The following STRIP1 variants were observed in gnomAD, a reference collection of about 807,000 sequenced individuals.
STRIP1 encodes the protein striatin-interacting protein 1.
Under a neutral mutation model 106.2 loss-of-function variants are expected in STRIP1, and 63 were observed. The ratio of observed to expected loss-of-function variants is 0.59; its 90% CI spans 0.48 to 0.73. The LOEUF (loss-of-function observed/expected upper bound fraction) is 0.73. Among genes scored for constraint, STRIP1 ranks in the 30% least tolerant of loss-of-function variants. The pLI, the probability that STRIP1 is intolerant of heterozygous loss-of-function variation, is 0.00. For missense variants in STRIP1, 857 were observed against 1,074.8 expected, an observed-to-expected ratio of 0.80 and a Z score of 2.83; for synonymous variants, 390 against 413.0, an observed-to-expected ratio of 0.94 and a Z score of 0.67.
At chr1:110,053,508 C>T (rs1372665930) in intron 20 of STRIP1, among the ~76,000 whole-genome samples, 157 bp from the exon 21 acceptor site, 1 of 152,164 alleles carries the variant, frequency 6.6e-6, no homozygotes, top group Admixed American at 6.5e-5. Flanking sequence ...GTACTTGACT[C>T]TCCTTTGGAT....
Position 110,044,903 on chromosome 1 carries a change from C to G in STRIP1, c.1350C>G (p.Gly450=), listed in dbSNP as rs1652943825. ...SRSKFIGYTL[G]SDTNTVVGLP... ...GCAAATTTATAGGTTACACTCTAGG[C>G]AGGTGAGTAAAAGCCGAGTTCATTT... Residue 450 remains glycine (G), a splice_region_variant and synonymous_variant, in exon 11 of 21, where the codon GGC becomes GGG. Transcript: ENST00000369795. 1.2e-6 allele frequency: 2 copies of G among 1,614,188 alleles called. No homozygotes were observed. Among genetic ancestry groups the G allele is most frequent in the African/African-American group, 1.3e-5 (1 of 75,044 alleles).
At position 110,037,920 on chromosome 1, in the gene STRIP1, T is replaced by C; in HGVS notation, c.210T>C (p.Phe70=). Residue 70 remains phenylalanine, a synonymous_variant, in exon 2 of 21, where the codon TTT becomes TTC. Coordinates refer to ENST00000369795, the MANE Select transcript of STRIP1 (RefSeq NM_033088.4). The stretch of plus-strand genomic sequence containing the variant: ...ATTCGGAGTCACCAGACCTGGAGTT[T>C]GAGTATGCTGACACAGACAAGTGGG... ...EGYSESPDLE[F]EYADTDKWAA... 1.2e-6 allele frequency: 2 copies of C among 1,612,794 alleles called. No individual in the cohort carries two copies.
intron 2 of STRIP1, 152 bp downstream of exon 2, chr1:110,038,112 A>ATATATATATG (rs1553193270): frequency 6.3e-6 from 1 of 157,782 alleles, no homozygotes; most frequent in African/African-American, 2.8e-5. Flanking sequence ...ATATATATAT[A>ATATATATATG]TGTATAAAAC....
chr1:110,053,675 C>T lies in STRIP1; in HGVS notation c.2277C>T (p.Ala759=), dbSNP rs1034608397. 6.2e-7 allele frequency: 1 copy of T among 1,613,858 alleles called. No homozygotes were observed. The highest frequency in any genetic ancestry group is 1.3e-5 in the African/African-American group (1 of 74,892). The change falls in exon 21 of 21, where the codon GCC becomes GCT. Residue 759 remains alanine (A), a synonymous_variant. Transcript: ENST00000369795. The stretch of plus-strand genomic sequence containing the variant: ...CCTGCTTTGTCTCAGATCTTGATGC[C>T]CGGCCTTGGGACTTCCAGGCAGAGG... ...DDWAYGNDLD[A]RPWDFQAEEC...
At chr1:110,050,888 G>A in intron 18 of STRIP1, 68 bp from the exon 19 acceptor site, 2 of 907,456 alleles carry the variant, frequency 2.2e-6, no homozygotes, top group Non-Finnish European at 1.9e-6. Context: ...TCATGTGTGA[G>A]GGACTTTTGG....
chr1:110,046,974 C>T (rs113820405), intron 13 of STRIP1, among the ~76,000 whole-genome samples: 151 of 152,082 alleles, frequency 9.9e-4, no homozygotes, highest in African/African-American at 3.4e-3. Flanking sequence ...GACGTGAACC[C>T]GGGAGGCGGA....
At chr1:110,040,952 T>G (rs920582146) in intron 6 of STRIP1, among the ~76,000 whole-genome samples, 2 of 152,200 alleles carry the variant, frequency 1.3e-5, no homozygotes, top group Non-Finnish European at 2.9e-5. Flanking sequence ...AAGTGTGGCC[T>G]CCTACTCACA....
chr1:110,054,195 A>C lies in STRIP1; in HGVS notation c.*283A>C. The C allele has an allele frequency of 2.5e-6, 1 of 399,472 alleles. No individual in the cohort carries two copies. Among genetic ancestry groups the C allele is most frequent in the Non-Finnish European group, 4.6e-6 (1 of 215,838 alleles). 24.7% of individuals were successfully genotyped at this position (399,472 alleles called of 1,614,324 possible). A position where few individuals can be genotyped will look rare whatever the true frequency, so the allele number is the denominator to read the frequency against. ...GTTGGTTTTGGCTCATTTCACAATC[A>C]GCCCAAGGCTGGGAAAGCTGGAATG... On this transcript the variant is annotated 3_prime_UTR_variant, in exon 21 of 21. Coordinates refer to ENST00000369795, the MANE Select transcript of STRIP1 (RefSeq NM_033088.4).
At position 110,043,770 on chromosome 1, in the gene STRIP1, G is replaced by A. The variant is rs1262898970; in HGVS notation, c.1200G>A (p.Arg400=). Residue 400 remains arginine (R), a synonymous_variant, in exon 10 of 21, where the codon CGG becomes CGA. Coordinates refer to ENST00000369795, the MANE Select transcript of STRIP1 (RefSeq NM_033088.4). ...SLEGETFPLE[R]DEVMPPPLQH... The stretch of plus-strand genomic sequence containing the variant: ...AGGGGGAGACGTTTCCCCTGGAACG[G>A]GATGAAGTGATGCCTCCCCCGCTAC... 6.2e-7 allele frequency: 1 copy of A among 1,614,202 alleles called. No individual in the cohort carries two copies.
chr1:110,038,089 T>TATATATATATATATATATGTATAA (rs1652557666), intron 2 of STRIP1, 129 bp downstream of exon 2: 1 of 161,138 alleles, frequency 6.2e-6, no homozygotes, highest in Non-Finnish European at 1.2e-5. Context: ...TATATATATA[T>TATATATATATATATATATGTATAA]ATATATATAT....
At chr1:110,039,841 C>T (rs1470033185) in intron 5 of STRIP1, 1 of 1,308,548 alleles carries the variant, frequency 7.6e-7, no homozygotes, top group East Asian at 5.2e-5. Context: ...TGTGTTCGCC[C>T]TGCAGTTTCC....
intron 1 of STRIP1, among the ~76,000 whole-genome samples, chr1:110,036,435 CAA>C (rs1188219999): frequency 6.6e-6 from 1 of 151,982 alleles, no homozygotes; most frequent in East Asian, 1.9e-4. Context: ...GCCTGGGTGA[CAA>C]GAGCGAAACT....
At chr1:110,038,071 AATATAT>A (rs3085770) in intron 2 of STRIP1, 111 bp downstream of exon 2, 12,188 of 130,074 alleles carry the variant, frequency 0.094, 925 homozygotes, top group East Asian at 0.16. Context: ...AGTTCTATCA[AATATAT>A]ATATATATAT....
intron 2 of STRIP1, among the ~76,000 whole-genome samples, 188 bp from the exon 3 acceptor site, chr1:110,038,494 CT>C (rs1267355180): frequency 6.6e-6 from 1 of 152,192 alleles, no homozygotes; most frequent in Non-Finnish European, 1.5e-5. Flanking sequence ...TTCTGGCACT[CT>C]GGTTGTCTCT....
Position 110,053,837 on chromosome 1 carries a change from T to G in STRIP1, c.2439T>G (p.Phe813Leu). The G allele has an allele frequency of 2.5e-6, 4 of 1,614,192 alleles. No individual in the cohort carries two copies. Among genetic ancestry groups the G allele is most frequent in the Non-Finnish European group, 3.4e-6 (4 of 1,180,024 alleles). The change falls in exon 21 of 21, where the codon TTT becomes TTG. Residue 813 changes from phenylalanine (F) to leucine (L), a missense_variant. By Grantham distance (22) the Phe-to-Leu change is conservative (BLOSUM62 0). Around this residue, in one of 2 missense-constraint regions of STRIP1, gnomAD observed 750 missense variants for 989.8 expected, o/e 0.76. Transcript: ENST00000369795. ...AACGGGTGGACCTCCCTGAGGACTT[T>G]CAGATGAACTATGACCTCTGGTTAG... ...LGQRVDLPED[F>L]QMNYDLWLER...
Position 110,037,942 on chromosome 1 carries a change from T to A in STRIP1, c.232T>A (p.Trp78Arg). The change falls in exon 2 of 21, where the codon TGG becomes AGG. Residue 78 changes from tryptophan (W) to arginine (R), a missense_variant. By Grantham distance (101) the Trp-to-Arg change is moderately radical. Coordinates refer to ENST00000369795, the MANE Select transcript of STRIP1 (RefSeq NM_033088.4). ...LEFEYADTDK[W>R]AAELSELYSY... ...GTTTGAGTATGCTGACACAGACAAG[T>A]GGGCTGCAGAGCTCTCGGGTAACGC... The A allele has an allele frequency of 6.2e-7, 1 of 1,612,606 alleles. No homozygotes were observed. Among genetic ancestry groups the A allele is most frequent in the South Asian group, 1.1e-5 (1 of 91,058 alleles).
At chr1:110,037,986 TGG>T in intron 2 of STRIP1, 26 bp downstream of exon 2, 1 of 1,547,984 alleles carries the variant, frequency 6.5e-7, no homozygotes, top group East Asian at 2.2e-5. Flanking sequence ...TTGTGTTATT[TGG>T]GGGTGGTTTT....
rs146229969 is a variant in STRIP1 at position 110,046,735 on chromosome 1, G to T, written c.1472G>T (p.Arg491Leu). Residue 491 changes from arginine to leucine, a missense_variant, in exon 13 of 21, where the codon CGC (arginine) becomes CTC (leucine). Around this residue, in one of 2 missense-constraint regions of STRIP1, gnomAD observed 750 missense variants for 989.8 expected, o/e 0.76. Transcript: ENST00000369795. ...VQAQMEEEYLRSPLSGGEEEV... is the reference protein window; with the variant it reads ...VQAQMEEEYLLSPLSGGEEEV... Reference sequence around the variant, plus strand: ...GCACAGATGGAGGAGGAATACCTCCGCTCCCCTCTCTCAGGGGTAAGTTGG... The same window carrying T: ...GCACAGATGGAGGAGGAATACCTCCTCTCCCCTCTCTCAGGGGTAAGTTGG... The T allele has an allele frequency of 1.2e-6, 2 of 1,612,352 alleles. No individual in the cohort carries two copies. The highest frequency in any genetic ancestry group is 8.5e-7 in the Non-Finnish European group (1 of 1,178,716).
intron 5 of STRIP1, chr1:110,039,852 G>A (rs769699302): frequency 2.2e-4 from 293 of 1,302,268 alleles, no homozygotes; most frequent in Non-Finnish European, 2.8e-4. Flanking sequence ...TGCAGTTTCC[G>A]CCTTGGCAGG....
Sources: gnomAD v4.1 joint callset for allele counts (sites outside exome capture counted in the v4.1 genomes callset) on GRCh38, gnomAD v4.1.1 for gene constraint, gnomAD v4.1.1 regional missense constraint, MANE v1.5 for transcripts, NCBI Gene and HGNC (gene_info 2026-07-23, HGNC 2026-07-21) for gene names.